ZNF248: variants seen among roughly 807,000 people sequenced by gnomAD.
The protein encoded by ZNF248 is KRAB protein domain.
A neutral mutation model predicts 44.3 loss-of-function variants in ZNF248; 20 were observed. That is an observed-to-expected ratio of 0.45 (90% confidence interval 0.32 to 0.66). The LOEUF (loss-of-function observed/expected upper bound fraction) is 0.66, where lower values mean the gene tolerates loss of function less well. ZNF248 is among the 30% of genes least tolerant of loss of function. The pLI is 0.04. For missense variants in ZNF248, 654 were observed against 677.0 expected, an observed-to-expected ratio of 0.97 and a Z score of 0.38; for synonymous variants, 224 against 229.0, an observed-to-expected ratio of 0.98 and a Z score of 0.20.
At chr10:37,782,262 CAGAG>C (rs2047403089) in intron 6 of ZNF248, among the ~76,000 whole-genome samples, 3 of 152,126 alleles carry the variant, frequency 2.0e-5, no homozygotes, top group Admixed American at 2.0e-4. Context: ...GGTTTGTAGA[CAGAG>C]AGGAATTTTA....
chr10:37,829,682 T>C lies in ZNF248; in HGVS notation c.*1933A>G, dbSNP rs751046832. 1.0e-6 allele frequency: 1 copy of C among 985,434 alleles called. No individual in the cohort carries two copies. Among genetic ancestry groups the C allele is most frequent in the Non-Finnish European group, 1.2e-6 (1 of 829,938 alleles). 61.0% of individuals were successfully genotyped at this position (985,434 alleles called of 1,614,324 possible). On this transcript the variant is annotated 3_prime_UTR_variant, in exon 6 of 6. Transcript: ENST00000395867. Reference sequence around the variant, plus strand: ...ACCTTGTGCACTGTTATCTTCAGGCTACTGCCCTTCAGAGATAAAAACGAT... The same window carrying C: ...ACCTTGTGCACTGTTATCTTCAGGCCACTGCCCTTCAGAGATAAAAACGAT...
the ZNF248 span, among the ~76,000 whole-genome samples, chr10:37,769,075 G>T: frequency 6.6e-6 from 1 of 152,166 alleles, no homozygotes; most frequent in African/African-American, 2.4e-5. Flanking sequence ...AAACCAGGAA[G>T]AAGTTGAATC....
chr10:37,764,785 A>G, the ZNF248 span, among the ~76,000 whole-genome samples: 1 of 152,248 alleles, frequency 6.6e-6, no homozygotes, highest in Non-Finnish European at 1.5e-5. Context: ...AAAAGTTAAT[A>G]TAGGATGTTT....
the ZNF248 span, among the ~76,000 whole-genome samples, chr10:37,761,620 A>G: frequency 6.6e-6 from 1 of 152,238 alleles, no homozygotes; most frequent in East Asian, 1.9e-4. Flanking sequence ...TTACAATGGA[A>G]TAGTGAATAA....
At chr10:37,805,937 A>G (rs2050494037) in intron 6 of ZNF248, among the ~76,000 whole-genome samples, 1 of 152,182 alleles carries the variant, frequency 6.6e-6, no homozygotes, top group African/African-American at 2.4e-5. Context: ...CAGTACAAAC[A>G]TGTACATATG....
intron 6 of ZNF248, among the ~76,000 whole-genome samples, chr10:37,788,211 G>A (rs1401651840): frequency 6.8e-6 from 1 of 147,528 alleles, no homozygotes; most frequent in Admixed American, 6.8e-5. Context: ...GTTGCAGTGA[G>A]CCAAGATCGT....
intron 3 of ZNF248, among the ~76,000 whole-genome samples, chr10:37,843,013 T>C (rs1055544355): frequency 1.3e-5 from 2 of 152,146 alleles, no homozygotes; most frequent in Non-Finnish European, 2.9e-5. Flanking sequence ...GCAGAGTCAA[T>C]GTGCAAAGAC....
chr10:37,785,649 G>T (rs1341549802), intron 6 of ZNF248, among the ~76,000 whole-genome samples: 1 of 152,086 alleles, frequency 6.6e-6, no homozygotes, highest in Non-Finnish European at 1.5e-5. Context: ...GAAACTCCTG[G>T]GCCTGGTTCT....
chr10:37,772,992 G>GA (rs953246148), downstream of ZNF248, among the ~76,000 whole-genome samples: 6 of 150,594 alleles, frequency 4.0e-5, no homozygotes, highest in South Asian at 2.1e-4. Flanking sequence ...ACTATCAAAG[G>GA]AAAAAAAAAT....
At chr10:37,803,565 T>A (rs2050100448) in intron 6 of ZNF248, 1 of 152,312 alleles carries the variant, frequency 6.6e-6, no homozygotes, top group African/African-American at 2.4e-5. Flanking sequence ...CCAGACATGC[T>A]CTTTCCTGGC....
chr10:37,763,432 C>A, the ZNF248 span, among the ~76,000 whole-genome samples: 1 of 152,216 alleles, frequency 6.6e-6, no homozygotes, highest in Non-Finnish European at 1.5e-5. Context: ...CCACATCCTG[C>A]ATTCATGAGA....
chr10:37,816,833 C>T (rs967666321), intron 6 of ZNF248, among the ~76,000 whole-genome samples: 29 of 152,104 alleles, frequency 1.9e-4, no homozygotes, highest in African/African-American at 6.5e-4. Flanking sequence ...TTCTAGGAAC[C>T]GTGTTTTAGG....
chr10:37,848,264 G>A (rs574639670), intron 3 of ZNF248, among the ~76,000 whole-genome samples: 16 of 150,104 alleles, frequency 1.1e-4, no homozygotes, highest in African/African-American at 3.4e-4. Context: ...GCAACAGAAC[G>A]ATACTCCCTC....
At chr10:37,802,728 T>C (rs1037542150) in intron 6 of ZNF248, 1 of 152,192 alleles carries the variant, frequency 6.6e-6, no homozygotes, top group Non-Finnish European at 1.5e-5. Context: ...GTGCTTTAGT[T>C]GTTTATTTTA....
At chr10:37,819,105 A>T in intron 6 of ZNF248, 1 of 782,496 alleles carries the variant, frequency 1.3e-6, no homozygotes, top group Non-Finnish European at 2.3e-6. Context: ...CTCTCTCCAC[A>T]CACTGTACCA....
chr10:37,793,932 AT>A (rs2048846434), intron 6 of ZNF248, among the ~76,000 whole-genome samples: 1 of 152,112 alleles, frequency 6.6e-6, no homozygotes, highest in Non-Finnish European at 1.5e-5. Context: ...CAGATGTATA[AT>A]TTTTTTAAAT....
At chr10:37,795,640 T>A (rs1430793380) in intron 6 of ZNF248, 1 of 152,234 alleles carries the variant, frequency 6.6e-6, no homozygotes, top group Non-Finnish European at 1.5e-5. Context: ...TTTGATTGTA[T>A]TCATGAGGTT....
chr10:37,794,320 C>G (rs1329405963), intron 6 of ZNF248: 2 of 153,212 alleles, frequency 1.3e-5, no homozygotes, highest in Non-Finnish European at 2.9e-5. Flanking sequence ...TGATGTGTCA[C>G]ATTTATTACA....
At chr10:37,787,881 G>T (rs1033927319) in intron 6 of ZNF248, among the ~76,000 whole-genome samples, 1 of 152,094 alleles carries the variant, frequency 6.6e-6, no homozygotes, top group Admixed American at 6.6e-5. Flanking sequence ...TGATTCAAAA[G>T]ATAACATTGA....
Sources: gnomAD v4.1 joint callset for allele counts (sites outside exome capture counted in the v4.1 genomes callset) on GRCh38, gnomAD v4.1.1 for gene constraint, MANE v1.5 for transcripts, NCBI Gene and HGNC (gene_info 2026-07-23, HGNC 2026-07-21) for gene names.